UNC5A: variants seen among roughly 807,000 people sequenced by gnomAD.
The protein encoded by UNC5A is unc-5 netrin receptor A.
In UNC5A, 20 loss-of-function variants were observed where a neutral mutation model predicts 87.4. The observed-to-expected ratio is 0.23, with a 90% CI of 0.16 to 0.33. The LOEUF (loss-of-function observed/expected upper bound fraction) is 0.33, where lower values mean the gene tolerates loss of function less well. Among genes scored for constraint, UNC5A ranks in the 10% least tolerant of loss-of-function variants. The probability of loss-of-function intolerance (pLI) is 1.00; values close to 1 mark genes in which losing one functional copy is unlikely to be tolerated. For missense variants in UNC5A, 844 were observed against 1,133.4 expected, an observed-to-expected ratio of 0.74 and a Z score of 3.67; for synonymous variants, 438 against 482.3, an observed-to-expected ratio of 0.91 and a Z score of 1.20.
At chr5:176,829,878 C>T (rs1264284650) in intron 1 of UNC5A, among the ~76,000 whole-genome samples, 7 of 26,570 alleles carry the variant, frequency 2.6e-4, no homozygotes, top group Admixed American at 1.0e-3. Context: ...CACATCACTG[C>T]TCCTTTTTTT....
intron 1 of UNC5A, among the ~76,000 whole-genome samples, chr5:176,845,163 C>A (rs1176799504): frequency 6.6e-6 from 1 of 152,168 alleles, no homozygotes; most frequent in Non-Finnish European, 1.5e-5. Context: ...CATAGCCGTT[C>A]CCCCTCTCCA....
chr5:176,878,345 C>A lies in UNC5A; in HGVS notation c.1971C>A (p.His657Gln), dbSNP rs780006834. 6.2e-7 allele frequency: 1 copy of A among 1,613,652 alleles called. No individual in the cohort carries two copies. Among genetic ancestry groups the A allele is most frequent in the Non-Finnish European group, 8.5e-7 (1 of 1,180,024 alleles). ...ACCACAACCTGCGCCTATCCATCCA[C>A]GATGTGCCCAGCTCCCTGTGGAAGA... ...DSYHNLRLSI[H>Q]DVPSSLWKSK... Residue 657 changes from histidine (H) to glutamine (Q), a missense_variant, in exon 12 of 15, where the codon CAC becomes CAA. Coordinates refer to ENST00000329542, the MANE Select transcript of UNC5A (RefSeq NM_133369.3).
At chr5:176,864,589 C>G (rs1757925618) in intron 2 of UNC5A, among the ~76,000 whole-genome samples, 1 of 152,194 alleles carries the variant, frequency 6.6e-6, no homozygotes, top group Non-Finnish European at 1.5e-5. Flanking sequence ...CCTGCCGGGG[C>G]TCCAACCAGC....
chr5:176,840,214 G>C (rs1757243409), intron 1 of UNC5A, among the ~76,000 whole-genome samples: 1 of 152,186 alleles, frequency 6.6e-6, no homozygotes, highest in South Asian at 2.1e-4. Context: ...AGGTTGTGGG[G>C]ACTAGGACGT....
chr5:176,861,284 C>T (rs1424173957), intron 1 of UNC5A, among the ~76,000 whole-genome samples: 1 of 152,240 alleles, frequency 6.6e-6, no homozygotes, highest in Non-Finnish European at 1.5e-5. Context: ...ATCCTCACAA[C>T]AGCCTTAAGA....
At chr5:176,818,958 C>T (rs572139273) in intron 1 of UNC5A, among the ~76,000 whole-genome samples, 81 of 152,184 alleles carry the variant, frequency 5.3e-4, no homozygotes, top group African/African-American at 7.7e-4. Context: ...GGGACTTGCC[C>T]GGGCCACACT....
chr5:176,812,419 T>A (rs1481407031), intron 1 of UNC5A, among the ~76,000 whole-genome samples: 1 of 152,182 alleles, frequency 6.6e-6, no homozygotes, highest in African/African-American at 2.4e-5. Flanking sequence ...TTGACATGTG[T>A]GCCCGGGTAA....
In UNC5A at chr5:176,873,999, T is replaced by C. The variant is rs971426289; in HGVS notation, c.918T>C (p.Tyr306=). 1 of 1,613,942 alleles carries C rather than the reference T, an allele frequency of 6.2e-7. No homozygotes were observed. Among genetic ancestry groups the C allele is most frequent in the Non-Finnish European group, 8.5e-7 (1 of 1,179,954 alleles). ...TASGPEDVAL[Y]VGLIAVAVCL... is the part of the protein sequence containing the mutation. ...CTGGCCCTGAGGACGTGGCCCTCTATGTGGGCCTCATCGCCGTGGCCGTCT... is the reference window on the plus strand; with the variant it reads ...CTGGCCCTGAGGACGTGGCCCTCTACGTGGGCCTCATCGCCGTGGCCGTCT... The change falls in exon 7 of 15, where the codon TAT becomes TAC. Residue 306 remains tyrosine (Y), a synonymous_variant. Transcript: ENST00000329542.
At chr5:176,820,867 C>G (rs1756710485) in intron 1 of UNC5A, among the ~76,000 whole-genome samples, 1 of 152,200 alleles carries the variant, frequency 6.6e-6, no homozygotes, top group Admixed American at 6.5e-5. Flanking sequence ...AAGTATTTCT[C>G]TTGACCTGGT....
chr5:176,877,491 GCCAC>G, intron 9 of UNC5A, 40 bp from the exon 10 acceptor site: 1 of 1,551,122 alleles, frequency 6.4e-7, no homozygotes, highest in South Asian at 1.2e-5. Flanking sequence ...CCCAGGATGG[GCCAC>G]TGACACCTTT....
chr5:176,856,281 C>G (rs1757665553), intron 1 of UNC5A, among the ~76,000 whole-genome samples: 2 of 152,204 alleles, frequency 1.3e-5, no homozygotes, highest in African/African-American at 4.8e-5. Context: ...GGGGCTGAGC[C>G]TACAAGAGCA....
At chr5:176,812,635 G>A (rs1756487343) in intron 1 of UNC5A, among the ~76,000 whole-genome samples, 1 of 152,168 alleles carries the variant, frequency 6.6e-6, no homozygotes, top group African/African-American at 2.4e-5. Flanking sequence ...GAGGCTGTGG[G>A]GGTGGGGAAA....
At chr5:176,873,939 C>G (rs1466542097) in intron 6 of UNC5A, 29 bp from the exon 7 acceptor site, 1 of 1,605,260 alleles carries the variant, frequency 6.2e-7, no homozygotes, top group South Asian at 1.1e-5. Flanking sequence ...ACACCCCTGC[C>G]CCCACCAAGG....
Position 176,880,844 on chromosome 5 carries a change from A to C in UNC5A, c.*958A>C. 2.2e-6 allele frequency: 1 copy of C among 448,544 alleles called. No homozygotes were observed. The highest frequency in any genetic ancestry group is 3.9e-6 in the Non-Finnish European group (1 of 258,528). The allele number at this position is 448,544 out of a possible 1,614,324, so 27.8% of individuals were successfully genotyped here. A position where few individuals can be genotyped will look rare whatever the true frequency, so the allele number is the denominator to read the frequency against. On this transcript the variant is annotated 3_prime_UTR_variant, in exon 15 of 15. Transcript: ENST00000329542. ...CACAGCCTTGCCCGGCCGCCGGGGC[A>C]CATAGGGGTTTTATCGGGCGTGAAT...
chr5:176,834,515 AAG>A (rs780941640), intron 1 of UNC5A, among the ~76,000 whole-genome samples: 48 of 152,154 alleles, frequency 3.2e-4, no homozygotes, highest in Admixed American at 3.3e-4. Flanking sequence ...AAGGACGAAA[AAG>A]AGAATAAGAG....
intron 1 of UNC5A, among the ~76,000 whole-genome samples, chr5:176,819,601 C>T (rs1027403709): frequency 2.6e-5 from 4 of 152,172 alleles, no homozygotes; most frequent in Admixed American, 6.5e-5. Context: ...GCCCAGGCTC[C>T]GCACGGGATA....
chr5:176,836,697 C>A (rs922319749), intron 1 of UNC5A, among the ~76,000 whole-genome samples: 1 of 152,142 alleles, frequency 6.6e-6, no homozygotes, highest in Non-Finnish European at 1.5e-5. Context: ...CTTCACTATG[C>A]CCCAGCCTGA....
Position 176,879,351 on chromosome 5 carries a change from G to A in UNC5A, c.2226G>A (p.Ala742=), listed in dbSNP as rs918312799. 2.5e-6 allele frequency: 4 copies of A among 1,611,736 alleles called. No individual in the cohort carries two copies. The highest frequency in any genetic ancestry group is 2.5e-6 in the Non-Finnish European group (3 of 1,179,222). Reference sequence around the variant, plus strand: ...AGCTGCTGGCTCTGGAGAGTGAAGCGGGGGTCCCAGCCCTGGTGGGCCCCA... The same window carrying A: ...AGCTGCTGGCTCTGGAGAGTGAAGCAGGGGTCCCAGCCCTGGTGGGCCCCA... ...FAELLALESE[A]GVPALVGPSA... Residue 742 remains alanine (A), a synonymous_variant, in exon 14 of 15, where the codon GCG becomes GCA. Coordinates refer to ENST00000329542, the MANE Select transcript of UNC5A (RefSeq NM_133369.3).
chr5:176,876,967 C>G (rs1758276704), intron 8 of UNC5A, among the ~76,000 whole-genome samples: 1 of 152,216 alleles, frequency 6.6e-6, no homozygotes, highest in Non-Finnish European at 1.5e-5. Flanking sequence ...GCTAGCCAGG[C>G]ATGCTTTCCC....
Sources: gnomAD v4.1 joint callset for allele counts (sites outside exome capture counted in the v4.1 genomes callset) on GRCh38, gnomAD v4.1.1 for gene constraint, MANE v1.5 for transcripts, NCBI Gene and HGNC (gene_info 2026-07-23, HGNC 2026-07-21) for gene names.